The following OPCML variants were observed in gnomAD, a reference collection of about 807,000 sequenced individuals.
OPCML encodes the protein opioid-binding protein/cell adhesion molecule.
In OPCML, 13 loss-of-function variants were observed where a neutral mutation model predicts 37.8. That is an observed-to-expected ratio of 0.34 (90% confidence interval 0.22 to 0.55). The LOEUF is 0.55. Among genes scored for constraint, OPCML ranks in the 20% least tolerant of loss-of-function variants. OPCML has a pLI of 0.91. For synonymous variants in OPCML, 176 were observed against 168.8 expected (o/e 1.04, Z -0.33); for missense variants, 341 against 435.6 (o/e 0.78, Z 1.93).
At chr11:133,163,027 A>G (rs1192536359) in intron 1 of OPCML, among the ~76,000 whole-genome samples, 3 of 152,218 alleles carry the variant, frequency 2.0e-5, no homozygotes, top group Non-Finnish European at 2.9e-5. Flanking sequence ...CAAAGATGCA[A>G]TGATAACATA....
intron 2 of OPCML, among the ~76,000 whole-genome samples, chr11:132,733,081 G>A (rs1022184937): frequency 1.6e-4 from 24 of 152,146 alleles, no homozygotes; most frequent in African/African-American, 5.8e-4. Flanking sequence ...TCAATGATAT[G>A]TTTTACTTTA....
At chr11:133,387,698 A>G (rs1236959377) in intron 1 of OPCML, among the ~76,000 whole-genome samples, 6 of 152,252 alleles carry the variant, frequency 3.9e-5, no homozygotes, top group Admixed American at 3.9e-4. Flanking sequence ...TGCAGGATGA[A>G]TAAAACAGGC....
At chr11:132,657,024 C>A (rs1373266292) in intron 3 of OPCML, 63 bp downstream of exon 3, 4 of 1,579,216 alleles carry the variant, frequency 2.5e-6, no homozygotes, top group African/African-American at 2.7e-5. Flanking sequence ...GAACAAACAC[C>A]AACACTGTTC....
At chr11:132,709,017 G>A (rs1389610197) in intron 2 of OPCML, among the ~76,000 whole-genome samples, 2 of 152,142 alleles carry the variant, frequency 1.3e-5, no homozygotes, top group Non-Finnish European at 1.5e-5. Context: ...AAAGAAGAAA[G>A]GCAGGTATTT....
chr11:132,440,021 G>A (rs2096027162), intron 4 of OPCML, among the ~76,000 whole-genome samples: 1 of 152,170 alleles, frequency 6.6e-6, no homozygotes, highest in Admixed American at 6.5e-5. Context: ...CCTACACGTA[G>A]GGAGGGGATG....
intron 1 of OPCML, among the ~76,000 whole-genome samples, chr11:133,286,606 G>A (rs1193653215): frequency 2.0e-5 from 3 of 152,086 alleles, no homozygotes; most frequent in East Asian, 1.9e-4. Flanking sequence ...CGAGTCTTGC[G>A]GGCAGTGGCC....
At chr11:133,389,691 C>A (rs1945127897) in intron 1 of OPCML, among the ~76,000 whole-genome samples, 1 of 152,160 alleles carries the variant, frequency 6.6e-6, no homozygotes. Flanking sequence ...ATCACAAAGC[C>A]AGTCCATCTT....
At position 132,632,892 on chromosome 11, in the gene OPCML, T is replaced by A. The variant is rs143747713; in HGVS notation, c.379+24195A>T. Among the ~76,000 whole-genome samples, 40 of 151,708 alleles carry A rather than the reference T, an allele frequency of 2.6e-4. No individual in the cohort carries two copies. In the East Asian group the frequency reaches 7.4e-3, roughly 28 times the overall value. On this transcript the variant is annotated intron_variant, in intron 3 of 7. Transcript: ENST00000524381. Reference sequence around the variant, plus strand: ...AGAGATGATAAAGAAACATGACTATTCAGCCTTTCTCGTACATCTACCGAA... The same window carrying A: ...AGAGATGATAAAGAAACATGACTATACAGCCTTTCTCGTACATCTACCGAA...
intron 1 of OPCML, among the ~76,000 whole-genome samples, chr11:133,141,026 ACG>A (rs1949806558): frequency 4.2e-5 from 1 of 23,934 alleles, no homozygotes; most frequent in African/African-American, 7.6e-5. Flanking sequence ...GACGACGACG[ACG>A]ACGACGACGA....
chr11:133,090,216 C>T (rs573564239), intron 1 of OPCML, among the ~76,000 whole-genome samples: 5 of 152,228 alleles, frequency 3.3e-5, no homozygotes, highest in Non-Finnish European at 5.9e-5. Flanking sequence ...TCCCTTACCT[C>T]GCCTGCCAAC....
intron 3 of OPCML, 37 bp downstream of exon 3, chr11:132,657,050 G>C (rs775810784): frequency 6.2e-7 from 1 of 1,603,650 alleles, no homozygotes; most frequent in South Asian, 1.1e-5. Flanking sequence ...CTCCATCACT[G>C]ACGGGAATGG....
chr11:132,521,327 T>G (rs639254), intron 4 of OPCML, among the ~76,000 whole-genome samples: 59,697 of 152,066 alleles, frequency 0.39, 14,274 homozygotes, highest in Non-Finnish European at 0.54. Context: ...TTCTGTAGAT[T>G]GCCTGTTCAC....
intron 2 of OPCML, among the ~76,000 whole-genome samples, chr11:132,710,716 G>A (rs1591498208): frequency 6.6e-6 from 1 of 150,952 alleles, no homozygotes; most frequent in East Asian, 1.9e-4. Flanking sequence ...TTAGCCAGGT[G>A]TTATGGTGTG....
At chr11:132,603,859 G>T (rs572442477) in intron 3 of OPCML, among the ~76,000 whole-genome samples, 5 of 152,030 alleles carry the variant, frequency 3.3e-5, no homozygotes, top group African/African-American at 1.2e-4. Context: ...CTGTATCCTA[G>T]ATTTAGCAAT....
intron 1 of OPCML, among the ~76,000 whole-genome samples, chr11:133,362,647 G>A (rs1431367709): frequency 6.6e-6 from 1 of 152,170 alleles, no homozygotes; most frequent in African/African-American, 2.4e-5. Context: ...AAGGGAATGA[G>A]GTGAGAAACA....
chr11:132,532,729 A>AC (rs1203029376), intron 3 of OPCML, among the ~76,000 whole-genome samples: 55 of 152,220 alleles, frequency 3.6e-4, no homozygotes, highest in African/African-American at 1.2e-3. Context: ...GAGGAACAAA[A>AC]CCATCCCATT....
chr11:133,295,007 A>G lies in OPCML; in HGVS notation c.61+237257T>C, dbSNP rs187224165. ...CCCAGCTAATTATTGTATTTTTAGT[A>G]GAGATAGGGTTTCACCATGTTGGCC... On this transcript the variant is annotated intron_variant, in intron 1 of 7. Transcript: ENST00000524381. Among the ~76,000 whole-genome samples the G allele has an allele frequency of 4.1e-3, 618 of 151,612 alleles. 6 individuals are homozygous for G. The highest frequency in any genetic ancestry group is 0.014 in the African/African-American group (574 of 41,380).
chr11:132,491,096 T>C (rs962090585), intron 4 of OPCML, among the ~76,000 whole-genome samples: 3 of 152,206 alleles, frequency 2.0e-5, no homozygotes, highest in Admixed American at 1.3e-4. Context: ...TCTCACCACG[T>C]GTATGCTCCC....
intron 4 of OPCML, among the ~76,000 whole-genome samples, chr11:132,445,834 G>A (rs7947571): frequency 0.29 from 43,423 of 152,114 alleles, 6,316 homozygotes; most frequent in Admixed American, 0.3. Flanking sequence ...GAGCCAAGGA[G>A]TGTATGAGGA....
Sources: allele counts gnomAD v4.1 joint callset (sites outside exome capture counted in the v4.1 genomes callset), GRCh38; gene constraint gnomAD v4.1.1; transcripts MANE v1.5; gene names NCBI Gene and HGNC (gene_info 2026-07-23, HGNC 2026-07-21).